MS4A6E: variants seen among roughly 807,000 people sequenced by gnomAD.
MS4A6E encodes the protein membrane-spanning 4-domains subfamily A member 6E.
In MS4A6E, 8 loss-of-function variants were observed where a neutral mutation model predicts 13.2. The observed-to-expected ratio is 0.60, with a 90% CI of 0.35 to 1.09. MS4A6E has a LOEUF of 1.09. MS4A6E is among the 50% of genes least tolerant of loss of function. MS4A6E has a pLI of 0.02. For missense variants in MS4A6E, 177 were observed against 171.1 expected, an observed-to-expected ratio of 1.03 and a Z score of -0.19; for synonymous variants, 72 against 67.6, an observed-to-expected ratio of 1.06 and a Z score of -0.32.
At chr11:60,338,424 G>C (rs2085203081) in intron 3 of MS4A6E, 1 of 165,224 alleles carries the variant, frequency 6.1e-6, no homozygotes, top group Non-Finnish European at 1.3e-5. Context: ...TATGGGGTTA[G>C]ATGGTAAGGG....
chr11:60,347,663 C>T (rs1367309155), intron 4 of MS4A6E, among the ~76,000 whole-genome samples: 1 of 152,014 alleles, frequency 6.6e-6, no homozygotes, highest in Non-Finnish European at 1.5e-5. Flanking sequence ...AGGGCATCCA[C>T]CCTACTGTTT....
At chr11:60,347,751 C>T (rs912655705) in intron 4 of MS4A6E, among the ~76,000 whole-genome samples, 1 of 152,082 alleles carries the variant, frequency 6.6e-6, no homozygotes, top group Non-Finnish European at 1.5e-5. Context: ...CCCACCCCAG[C>T]CATGAAACTG....
At position 60,337,884 on chromosome 11, in the gene MS4A6E, T is replaced by C; in HGVS notation, c.291T>C (p.Leu97=). The change falls in exon 3 of 5, where the codon CTT becomes CTC. Residue 97 remains leucine, a synonymous_variant. Coordinates refer to ENST00000684409, the MANE Select transcript of MS4A6E (RefSeq NM_139249.4). ...AAAAGGATATACCAACCAGACTTCT[T>C]CTTTCTTATGATTATCATTCACCTT... The part of the protein sequence containing the change: ...LDEKDIPTRL[L]LSYDYHSPYT... 6.2e-7 allele frequency: 1 copy of C among 1,614,206 alleles called. No homozygotes were observed. Among genetic ancestry groups the C allele is most frequent in the Non-Finnish European group, 8.5e-7 (1 of 1,180,012 alleles).
At chr11:60,340,525 T>A (rs1220235500) in intron 4 of MS4A6E, among the ~76,000 whole-genome samples, 1 of 152,254 alleles carries the variant, frequency 6.6e-6, no homozygotes, top group African/African-American at 2.4e-5. Context: ...ATGGACTTAT[T>A]GCTTTATTTA....
intron 1 of MS4A6E, among the ~76,000 whole-genome samples, chr11:60,333,152 C>T (rs2085167703): frequency 6.6e-6 from 1 of 152,212 alleles, no homozygotes; most frequent in Non-Finnish European, 1.5e-5. Context: ...AGTTACCAGG[C>T]TGTGTTTTCA....
chr11:60,338,603 T>G (rs1162694342), intron 3 of MS4A6E: 1 of 152,178 alleles, frequency 6.6e-6, no homozygotes, highest in Admixed American at 6.6e-5. Context: ...TCTCTCTCTT[T>G]GGAAGAAGAA....
Position 60,327,761 on chromosome 11 carries a change from T to C in MS4A6E, c.-15+353T>C, listed in dbSNP as rs571848625. ...AACTGGAGGGGGCCAGGCGCAGTGG[T>C]TCAATGCTTGTAATCCCATTCACTT... On this transcript the variant is annotated intron_variant, in intron 1 of 4. Transcript: ENST00000684409. Among the ~76,000 whole-genome samples the C allele has an allele frequency of 5.3e-5, 8 of 152,040 alleles. No homozygotes were observed. The South Asian group carries it at 1.5e-3, about 28-fold the overall frequency.
intron 4 of MS4A6E, among the ~76,000 whole-genome samples, chr11:60,340,317 C>A (rs1183415055): frequency 1.3e-5 from 2 of 152,164 alleles, no homozygotes; most frequent in East Asian, 3.8e-4. Context: ...TGCCTCCCTT[C>A]TAAGCAGAAA....
At chr11:60,346,330 C>G (rs2085256202), downstream of MS4A6E, among the ~76,000 whole-genome samples, 1 of 152,200 alleles carries the variant, frequency 6.6e-6, no homozygotes, top group African/African-American at 2.4e-5. Flanking sequence ...TCTTGTGTTT[C>G]CTCTCTTTCT....
At chr11:60,327,587 G>A (rs1231400694) in intron 1 of MS4A6E, among the ~76,000 whole-genome samples, 179 bp downstream of exon 1, 4 of 152,168 alleles carry the variant, frequency 2.6e-5, no homozygotes, top group Admixed American at 6.5e-5. Flanking sequence ...TCTAACAGAC[G>A]ATTCTGGTAA....
rs561745630 is a variant in MS4A6E at position 60,335,221 on chromosome 11, G to C, written c.147+179G>C. ...AACTTTTCCACAGGAGATTGTCTTA[G>C]AAACGTTTTTTCCCTTATTCTGAAT... is the stretch of plus-strand genomic sequence containing the variant. On this transcript the variant is annotated intron_variant, in intron 2 of 4. Transcript: ENST00000684409. Among the ~76,000 whole-genome samples the C allele has an allele frequency of 2.6e-5, 4 of 152,252 alleles. No individual in the cohort carries two copies. The East Asian group carries it at 7.7e-4, about 29-fold the overall frequency.
chr11:60,346,905 C>T lies in MS4A6E; in HGVS notation c.*162+5977C>T, dbSNP rs1024428193. On this transcript the variant is annotated intron_variant and NMD_transcript_variant, in intron 4 of 4. Transcript: ENST00000532756. ...GGCTTAGAAGCAGCATAACATCCCTCCATGCGAGGTCAAACACCTGAGTTA... is the reference window on the plus strand; with the variant it reads ...GGCTTAGAAGCAGCATAACATCCCTTCATGCGAGGTCAAACACCTGAGTTA... 3.3e-5 allele frequency among the ~76,000 whole-genome samples: 5 copies of T among 152,340 alleles called. No individual in the cohort carries two copies. In the South Asian group the frequency reaches 8.3e-4, roughly 25 times the overall value.
chr11:60,347,826 C>G (rs1424226485), intron 4 of MS4A6E, among the ~76,000 whole-genome samples: 3 of 152,104 alleles, frequency 2.0e-5, no homozygotes, highest in African/African-American at 4.8e-5. Flanking sequence ...CTTCTGATTC[C>G]CCTTTGACTC....
chr11:60,334,482 C>A (rs1054730716), intron 1 of MS4A6E, among the ~76,000 whole-genome samples: 2 of 152,110 alleles, frequency 1.3e-5, no homozygotes, highest in Non-Finnish European at 2.9e-5. Context: ...ATCTAAGATG[C>A]ATGCTAATAG....
intron 2 of MS4A6E, 87 bp downstream of exon 2, chr11:60,335,129 T>C (rs917573219): frequency 6.4e-5 from 99 of 1,538,916 alleles, no homozygotes; most frequent in Middle Eastern, 1.7e-4. Context: ...TCCTTGTGAG[T>C]GTGGAGACCC....
intron 1 of MS4A6E, among the ~76,000 whole-genome samples, chr11:60,329,773 A>G (rs1021518165): frequency 6.7e-6 from 1 of 149,484 alleles, no homozygotes. Context: ...TATGTTTGTT[A>G]GCCATATAAA....
intron 4 of MS4A6E, among the ~76,000 whole-genome samples, 171 bp from the exon 5 acceptor site, chr11:60,340,605 T>C (rs1205172670): frequency 6.6e-6 from 1 of 152,230 alleles, no homozygotes; most frequent in African/African-American, 2.4e-5. Context: ...GACTGATAAA[T>C]TGTAATTATT....
chr11:60,338,378 C>CTG (rs945492026), intron 3 of MS4A6E: 4 of 175,970 alleles, frequency 2.3e-5, no homozygotes, highest in African/African-American at 9.6e-5. Context: ...TCTAAAAAGA[C>CTG]ATCAGACTAA....
chr11:60,327,657 G>C (rs1183641000), intron 1 of MS4A6E, among the ~76,000 whole-genome samples: 1 of 150,438 alleles, frequency 6.6e-6, no homozygotes, highest in Non-Finnish European at 1.5e-5. Context: ...TTTAGTGGTT[G>C]TAATTACAAT....
Sources: gnomAD v4.1 joint callset for allele counts (sites outside exome capture counted in the v4.1 genomes callset) on GRCh38, gnomAD v4.1.1 for gene constraint, MANE v1.5 for transcripts, NCBI Gene and HGNC (gene_info 2026-07-23, HGNC 2026-07-21) for gene names.